Variants in PHF14 observed in about 807,000 individuals in gnomAD.
The protein encoded by PHF14 is PHD finger protein 14.
In PHF14, 55 loss-of-function variants were observed where a neutral mutation model predicts 117.9. That is an observed-to-expected ratio of 0.47 (90% CI 0.38 to 0.58). PHF14 has a LOEUF of 0.58. PHF14 is among the 20% of genes least tolerant of loss of function. The pLI, the probability that PHF14 is intolerant of heterozygous loss-of-function variation, is 0.00. For synonymous variants in PHF14, 409 were observed against 368.6 expected (o/e 1.11, Z -1.26); for missense variants, 978 against 1,122.2 (o/e 0.87, Z 1.84).
At chr7:11,011,889 A>G (rs1299709168) in intron 4 of PHF14, among the ~76,000 whole-genome samples, 1 of 152,180 alleles carries the variant, frequency 6.6e-6, no homozygotes, top group Admixed American at 6.5e-5. Flanking sequence ...TAAGTAGTTC[A>G]GCATGGTTTT....
chr7:11,117,004 T>A (rs1787618236), intron 17 of PHF14, among the ~76,000 whole-genome samples: 1 of 151,962 alleles, frequency 6.6e-6, no homozygotes, highest in African/African-American at 2.4e-5. Flanking sequence ...CAGGATATTC[T>A]TGATAAAGAT....
intron 3 of PHF14, among the ~76,000 whole-genome samples, chr7:10,985,010 C>T (rs1431753072): frequency 2.0e-5 from 3 of 152,028 alleles, no homozygotes; most frequent in African/African-American, 7.3e-5. Context: ...AAGCTTGAGT[C>T]ATTTTCCCCT....
chr7:11,140,059 C>G (rs1381683837), intron 17 of PHF14, among the ~76,000 whole-genome samples: 2 of 152,116 alleles, frequency 1.3e-5, no homozygotes, highest in Non-Finnish European at 2.9e-5. Flanking sequence ...TTCCTACACA[C>G]TATTCTGTAC....
chr7:11,054,441 C>T (rs1054880918), intron 14 of PHF14, among the ~76,000 whole-genome samples: 2 of 151,996 alleles, frequency 1.3e-5, no homozygotes, highest in Admixed American at 6.6e-5. Context: ...ACAATTGGTG[C>T]GAGGTATCAT....
rs145329768 is a variant in PHF14 at position 10,990,868 on chromosome 7, CTCTT to C, written c.1045+23_1045+26del. On this transcript the variant is annotated intron_variant, in intron 4 of 17. Coordinates refer to ENST00000634607, the MANE Select transcript of PHF14 (RefSeq NM_001007157.2). ...TGAAGGTAATGTTGCTTTCTTTTCT[CTCTT>C]TTTAGAAATGGCTGACTGTGGCTCT... 5.9e-3 allele frequency: 9,177 copies of C among 1,542,458 alleles called. 406 individuals carry two copies. In the East Asian group the frequency reaches 0.12, roughly 21 times the overall value.
intron 4 of PHF14, among the ~76,000 whole-genome samples, chr7:11,004,053 G>A (rs145410191): frequency 1.3e-5 from 2 of 151,902 alleles, no homozygotes; most frequent in Admixed American, 6.6e-5. Context: ...TTTGAGACCA[G>A]CCTGGGCAAT....
intron 10 of PHF14, among the ~76,000 whole-genome samples, chr7:11,037,292 A>T (rs143011129): frequency 8.1e-4 from 124 of 152,198 alleles, no homozygotes; most frequent in African/African-American, 2.7e-3. Flanking sequence ...CATAATTTTG[A>T]TCTCTTTACA....
At chr7:11,138,289 C>T (rs989637536) in intron 17 of PHF14, among the ~76,000 whole-genome samples, 1 of 152,050 alleles carries the variant, frequency 6.6e-6, no homozygotes, top group Admixed American at 6.6e-5. Flanking sequence ...GATCCACCCG[C>T]CTCGGCCCCC....
intron 14 of PHF14, among the ~76,000 whole-genome samples, chr7:11,055,342 A>G (rs1562442864): frequency 1.3e-5 from 2 of 152,104 alleles, no homozygotes; most frequent in Admixed American, 6.6e-5. Context: ...TTTGCACTCT[A>G]AGTCATGTAG....
At position 10,974,864 on chromosome 7, in the gene PHF14, A is replaced by G; in HGVS notation, c.31A>G (p.Lys11Glu). 1.3e-6 allele frequency: 2 copies of G among 1,592,228 alleles called. No homozygotes were observed. The highest frequency in any genetic ancestry group is 1.7e-6 in the Non-Finnish European group (2 of 1,168,292). The change falls in exon 2 of 18, where the codon AAG (lysine) becomes GAG (glutamate). Residue 11 changes from lysine (K) to glutamate (E), a missense_variant. Lys to Glu is a moderately conservative substitution (Grantham distance 56). Transcript: ENST00000634607. ...TCGCAGCTCCAAGAGGAGGCAGGTGAAGCCTTTGGCAGCTTCTCTGCTGGA... is the reference window on the plus strand; with the variant it reads ...TCGCAGCTCCAAGAGGAGGCAGGTGGAGCCTTTGGCAGCTTCTCTGCTGGA... MDRSSKRRQV[K>E]PLAASLLEAL...
intron 17 of PHF14, among the ~76,000 whole-genome samples, chr7:11,115,052 C>T (rs1447992793): frequency 2.6e-5 from 4 of 152,002 alleles, no homozygotes; most frequent in Non-Finnish European, 4.4e-5. Flanking sequence ...TTCTTCCATC[C>T]GTTCACCCAA....
chr7:11,021,581 C>T (rs919892510), intron 5 of PHF14, among the ~76,000 whole-genome samples: 1 of 152,046 alleles, frequency 6.6e-6, no homozygotes, highest in African/African-American at 2.4e-5. Flanking sequence ...AGCAAGCAGC[C>T]AGCTGTTAGG....
At chr7:11,123,923 A>C (rs1036754211) in intron 17 of PHF14, among the ~76,000 whole-genome samples, 2 of 152,116 alleles carry the variant, frequency 1.3e-5, no homozygotes, top group African/African-American at 4.8e-5. Context: ...ATCTCAAAAA[A>C]AAAAAAACTA....
rs937119526 is a variant in PHF14 at position 11,106,600 on chromosome 7, A to G, written c.2655-4750A>G. The G allele has an allele frequency of 3.7e-5, 36 of 983,878 alleles. No individual in the cohort carries two copies. In the African/African-American group the frequency reaches 6.3e-4, roughly 17 times the overall value. 60.9% of individuals were successfully genotyped at this position (983,878 alleles called of 1,614,324 possible). A position where few individuals can be genotyped will look rare whatever the true frequency, so the allele number is the denominator to read the frequency against. ...ATTGACCACAATTTGTATTTTCTCCATCTGTTAAGATGTTTAATCAAAATA... is the reference window on the plus strand; with the variant it reads ...ATTGACCACAATTTGTATTTTCTCCGTCTGTTAAGATGTTTAATCAAAATA... On this transcript the variant is annotated intron_variant, in intron 16 of 17. Transcript: ENST00000634607.
In PHF14 at chr7:11,141,004, T is replaced by C. The variant is rs1362068379; in HGVS notation, c.2773-28412T>C. Among the ~76,000 whole-genome samples, 3 of 152,118 alleles carry C rather than the reference T, an allele frequency of 2.0e-5. No individual in the cohort carries two copies. The East Asian group carries it at 5.8e-4, about 29-fold the overall frequency. On this transcript the variant is annotated intron_variant, in intron 17 of 17. Coordinates refer to ENST00000634607, the MANE Select transcript of PHF14 (RefSeq NM_001007157.2). ...CATAAAATTGAAATTAAGTAAAATA[T>C]GTTCTGAGGAACATAAGACAGACCT...
chr7:11,102,287 A>G (rs915909575), intron 16 of PHF14, among the ~76,000 whole-genome samples: 8 of 151,856 alleles, frequency 5.3e-5, no homozygotes, highest in Non-Finnish European at 8.8e-5. Context: ...CAATGTTTCA[A>G]ATGATAAAAT....
intron 17 of PHF14, among the ~76,000 whole-genome samples, chr7:11,146,363 G>T (rs1253988467): frequency 6.6e-6 from 1 of 152,066 alleles, no homozygotes; most frequent in Non-Finnish European, 1.5e-5. Flanking sequence ...ATTCTTCAGA[G>T]ACTCTAACCT....
At chr7:11,072,427 C>T (rs777701807) in intron 16 of PHF14, among the ~76,000 whole-genome samples, 4 of 152,242 alleles carry the variant, frequency 2.6e-5, no homozygotes, top group East Asian at 1.9e-4. Flanking sequence ...GAGTGGGACA[C>T]GTATCCAAAC....
At chr7:11,009,197 T>G (rs955265913) in intron 4 of PHF14, among the ~76,000 whole-genome samples, 2 of 152,180 alleles carry the variant, frequency 1.3e-5, no homozygotes, top group African/African-American at 2.4e-5. Flanking sequence ...ATTAAACACA[T>G]ACTGCAGATG....
Sources: gnomAD v4.1 joint callset for allele counts (sites outside exome capture counted in the v4.1 genomes callset) on GRCh38, gnomAD v4.1.1 for gene constraint, MANE v1.5 for transcripts, NCBI Gene and HGNC (gene_info 2026-07-23, HGNC 2026-07-21) for gene names.